The following TMEM74 variants were observed in gnomAD, a reference collection of about 807,000 sequenced individuals.
TMEM74 encodes transmembrane protein 74.
In TMEM74, 13 loss-of-function variants were observed where a neutral mutation model predicts 18.1. That is an observed-to-expected ratio of 0.72 (90% CI 0.47 to 1.14). The LOEUF is 1.14. Among genes scored for constraint, TMEM74 ranks in the 50% most tolerant of loss-of-function variants. The pLI, the probability that TMEM74 is intolerant of heterozygous loss-of-function variation, is 0.00. For missense variants in TMEM74, 372 were observed against 375.9 expected (o/e 0.99, Z 0.09); for synonymous variants, 159 against 146.6 (o/e 1.08, Z -0.61).
intron 2 of TMEM74, among the ~76,000 whole-genome samples, chr8:108,644,068 AG>A (rs1812692364): frequency 6.6e-6 from 1 of 152,198 alleles, no homozygotes; most frequent in Non-Finnish European, 1.5e-5. Context: ...AAAAGAACAA[AG>A]CTGAAGGCAT....
At chr8:108,686,634 G>C (rs1483407390) in intron 1 of TMEM74, among the ~76,000 whole-genome samples, 1 of 151,644 alleles carries the variant, frequency 6.6e-6, no homozygotes, top group Non-Finnish European at 1.5e-5. Context: ...GTGAGTAATT[G>C]CTTTGCAAAT....
At chr8:108,706,805 G>A (rs969742001) in intron 1 of TMEM74, among the ~76,000 whole-genome samples, 77 of 151,816 alleles carry the variant, frequency 5.1e-4, no homozygotes, top group African/African-American at 1.8e-3. Context: ...GTGTGTGTGT[G>A]TGTGTATGCA....
chr8:108,680,012 C>T (rs1813095818), intron 1 of TMEM74, among the ~76,000 whole-genome samples: 1 of 152,070 alleles, frequency 6.6e-6, no homozygotes, highest in South Asian at 2.1e-4. Flanking sequence ...TCTGAATAGA[C>T]CAAAAACAGG....
intron 1 of TMEM74, among the ~76,000 whole-genome samples, chr8:108,659,512 C>G (rs763936791): frequency 6.6e-6 from 1 of 152,052 alleles, no homozygotes; most frequent in Non-Finnish European, 1.5e-5. Flanking sequence ...TTTTTACATG[C>G]CTGGGTGAGC....
rs1048416143 is a variant in TMEM74 at position 108,718,911 on chromosome 8, A to C, written n.120-63474T>G. Among the ~76,000 whole-genome samples the C allele has an allele frequency of 2.0e-5, 3 of 151,938 alleles. No individual in the cohort carries two copies. The South Asian group carries it at 6.2e-4, about 32-fold the overall frequency. ...AAAGCAATAAAGAGATAATGAATGA[A>C]ATGTACCCATTATGTCATACTACAA... On this transcript the variant is annotated intron_variant and non_coding_transcript_variant, in intron 1 of 3. Transcript: ENST00000518838.
intron 1 of TMEM74, among the ~76,000 whole-genome samples, chr8:108,673,552 C>T (rs967808823): frequency 3.9e-5 from 6 of 152,072 alleles, no homozygotes; most frequent in Non-Finnish European, 7.4e-5. Flanking sequence ...GAGAGCATAG[C>T]CAGAGAGTAG....
rs1254012019 is a variant in TMEM74 at position 108,673,946 on chromosome 8, G to A, written n.120-18509C>T. ...ATATAGTTCTCATGTTTATGAATGG[G>A]TTCAAACATTTTAAAAATTTCCTAT... is the stretch of plus-strand genomic sequence containing the variant. On this transcript the variant is annotated intron_variant and non_coding_transcript_variant, in intron 1 of 3. Transcript: ENST00000518838. 4.6e-5 allele frequency among the ~76,000 whole-genome samples: 7 copies of A among 152,228 alleles called. No homozygotes were observed. In the South Asian group the frequency reaches 1.0e-3, roughly 23 times the overall value.
intron 1 of TMEM74, among the ~76,000 whole-genome samples, chr8:108,742,825 C>T (rs560915946): frequency 6.6e-6 from 1 of 152,208 alleles, no homozygotes; most frequent in Admixed American, 6.5e-5. Flanking sequence ...TTAGAGACTT[C>T]CGTGTGAATC....
At chr8:108,659,997 A>G (rs890367219) in intron 1 of TMEM74, among the ~76,000 whole-genome samples, 4 of 152,152 alleles carry the variant, frequency 2.6e-5, no homozygotes, top group South Asian at 4.1e-4. Context: ...TCAGGCCTGC[A>G]TTGCAATTCA....
At chr8:108,774,016 T>C (rs993480731), downstream of TMEM74, among the ~76,000 whole-genome samples, 3 of 152,198 alleles carry the variant, frequency 2.0e-5, no homozygotes, top group African/African-American at 7.2e-5. Context: ...CGAAATGTGA[T>C]CTAAACTAAG....
chr8:108,668,437 A>G (rs970901728), intron 1 of TMEM74, among the ~76,000 whole-genome samples: 2 of 152,196 alleles, frequency 1.3e-5, no homozygotes, highest in African/African-American at 4.8e-5. Context: ...TACCATTTTC[A>G]TGACATGTCA....
chr8:108,768,840 AG>A (rs1814139548), intron 1 of TMEM74, among the ~76,000 whole-genome samples: 1 of 152,190 alleles, frequency 6.6e-6, no homozygotes. Flanking sequence ...AGACCTCAGT[AG>A]AAGGGTAATT....
chr8:108,708,317 T>C (rs751147869), intron 1 of TMEM74, among the ~76,000 whole-genome samples: 2 of 151,942 alleles, frequency 1.3e-5, no homozygotes, highest in African/African-American at 2.4e-5. Context: ...ATGTCTTTGG[T>C]ATTGTGAATA....
rs1563543871 is a variant in TMEM74 at position 108,756,734 on chromosome 8, GAGA to G, written n.119+30739_119+30741del. Among the ~76,000 whole-genome samples, 7 of 51,572 alleles carry G rather than the reference GAGA, an allele frequency of 1.4e-4. No individual in the cohort carries two copies. The South Asian group carries it at 2.0e-3, about 15-fold the overall frequency. 33.8% of individuals were successfully genotyped at this position (51,572 alleles called of 152,430 possible). A position where few individuals can be genotyped will look rare whatever the true frequency, so the allele number is the denominator to read the frequency against. ...AAAGAAAGAAAGAGAAAGAAAGAAA[GAGA>G]AAGAAAGAAGGGAGGGAGGGAGGGA... On this transcript the variant is annotated intron_variant and non_coding_transcript_variant, in intron 1 of 3. Transcript: ENST00000518838.
chr8:108,727,354 C>T (rs977841995), intron 1 of TMEM74, among the ~76,000 whole-genome samples: 1 of 152,124 alleles, frequency 6.6e-6, no homozygotes, highest in Non-Finnish European at 1.5e-5. Context: ...TGAGAGATAA[C>T]TAATCTTGAT....
chr8:108,692,490 A>G (rs1008718269), intron 1 of TMEM74, among the ~76,000 whole-genome samples: 8 of 151,982 alleles, frequency 5.3e-5, no homozygotes, highest in South Asian at 2.1e-4. Context: ...TCTTTTTGCT[A>G]TTTCTGGATG....
In TMEM74 at chr8:108,677,118, G is replaced by T. The variant is rs1813062782; in HGVS notation, n.120-21681C>A. Among the ~76,000 whole-genome samples the T allele has an allele frequency of 2.6e-5, 4 of 152,262 alleles. No individual in the cohort carries two copies. The South Asian group carries it at 8.3e-4, about 32-fold the overall frequency. On this transcript the variant is annotated intron_variant and non_coding_transcript_variant, in intron 1 of 3. Coordinates refer to the TMEM74 transcript ENST00000518838. ...TGACTCCAACATCTCACTTTCCTAG[G>T]CTAGGAGATAGGAATTTTACTTAAA...
intron 2 of TMEM74, among the ~76,000 whole-genome samples, chr8:108,609,633 G>A (rs747318132): frequency 1.4e-4 from 21 of 152,134 alleles, no homozygotes; most frequent in Non-Finnish European, 2.6e-4. Context: ...GGGTGACAGA[G>A]CAAGAAAAAA....
At position 108,784,126 on chromosome 8, in the gene TMEM74, CT is replaced by C. The variant is rs1467414940; in HGVS notation, c.*54del. The C allele has an allele frequency of 1.3e-5, 19 of 1,424,386 alleles. No individual in the cohort carries two copies. The highest frequency in any genetic ancestry group is 2.3e-5 in the Admixed American group (1 of 42,654). The allele number at this position is 1,424,386 out of a possible 1,614,324, so 88.2% of individuals were successfully genotyped here. On this transcript the variant is annotated 3_prime_UTR_variant, in exon 2 of 2. Coordinates refer to ENST00000297459, the MANE Select transcript of TMEM74 (RefSeq NM_153015.3). The stretch of plus-strand genomic sequence containing the variant: ...TGCACTGTGAATTTTTATAAATTAA[CT>C]TTTTTCATATTATAAAATGCCAAGG...
Sources: gnomAD v4.1 joint callset for allele counts (sites outside exome capture counted in the v4.1 genomes callset) on GRCh38, gnomAD v4.1.1 for gene constraint, MANE v1.5 for transcripts, NCBI Gene and HGNC (gene_info 2026-07-23, HGNC 2026-07-21) for gene names.